SLC39A11: variants seen among roughly 807,000 people sequenced by gnomAD.
The protein encoded by SLC39A11 is zinc transporter ZIP11.
Under a neutral mutation model 36.1 loss-of-function variants are expected in SLC39A11, and 33 were observed. That is an observed-to-expected ratio of 0.91 (90% CI 0.69 to 1.22). The LOEUF is 1.22. Among genes scored for constraint, SLC39A11 ranks in the 50% most tolerant of loss-of-function variants. The pLI, the probability that SLC39A11 is intolerant of heterozygous loss-of-function variation, is 0.00. For synonymous variants in SLC39A11, 166 were observed against 170.3 expected (o/e 0.97, Z 0.20); for missense variants, 432 against 430.3 (o/e 1.00, Z -0.03).
chr17:72,969,241 C>T lies in SLC39A11; in HGVS notation c.307-21366G>A, dbSNP rs528226692. Among the ~76,000 whole-genome samples, 7 of 152,222 alleles carry T rather than the reference C, an allele frequency of 4.6e-5. No individual in the cohort carries two copies. In the East Asian group the frequency reaches 9.7e-4, roughly 21 times the overall value. On this transcript the variant is annotated intron_variant, in intron 4 of 9. Transcript: ENST00000255559. Reference sequence around the variant, plus strand: ...TCCAAGGAGACCAAAATGAAGCCAGCTTCATTGGCAGCAGCTAGACACCGA... The same window carrying T: ...TCCAAGGAGACCAAAATGAAGCCAGTTTCATTGGCAGCAGCTAGACACCGA...
intron 4 of SLC39A11, among the ~76,000 whole-genome samples, chr17:72,972,455 T>C (rs2087527278): frequency 6.6e-6 from 1 of 152,056 alleles, no homozygotes; most frequent in Admixed American, 6.6e-5. Context: ...TAAAATCCAA[T>C]AAGTATGGAG....
chr17:72,858,492 G>GT (rs1326366649), intron 5 of SLC39A11, among the ~76,000 whole-genome samples: 2 of 152,292 alleles, frequency 1.3e-5, no homozygotes, highest in African/African-American at 4.8e-5. Context: ...TTTTAAAATA[G>GT]TTTTTTCTAG....
chr17:72,902,951 G>GA (rs5821931), intron 5 of SLC39A11, among the ~76,000 whole-genome samples: 90,313 of 151,646 alleles, frequency 0.6, 27,732 homozygotes, highest in African/African-American at 0.74. Context: ...ATTGTAGTTA[G>GA]AAAAAAAAGT....
chr17:72,930,172 G>C (rs1415032009), intron 5 of SLC39A11, among the ~76,000 whole-genome samples: 2 of 152,168 alleles, frequency 1.3e-5, no homozygotes, highest in Non-Finnish European at 2.9e-5. Flanking sequence ...CCTCATAGCA[G>C]GCCAGCAGAG....
intron 7 of SLC39A11, among the ~76,000 whole-genome samples, chr17:72,690,349 C>T (rs763284711): frequency 2.6e-5 from 4 of 152,192 alleles, no homozygotes; most frequent in Non-Finnish European, 4.4e-5. Flanking sequence ...AGAGGATACA[C>T]GTCGGAGAAT....
chr17:72,713,221 C>T (rs947025257), intron 7 of SLC39A11, among the ~76,000 whole-genome samples: 6 of 152,104 alleles, frequency 3.9e-5, no homozygotes, highest in African/African-American at 9.7e-5. Flanking sequence ...GTAAGAATCT[C>T]GGCTGAAAGA....
chr17:72,711,831 A>G (rs1182720139), intron 7 of SLC39A11, among the ~76,000 whole-genome samples: 1 of 152,200 alleles, frequency 6.6e-6, no homozygotes, highest in African/African-American at 2.4e-5. Flanking sequence ...GAAGTGTGGC[A>G]TGTGCTCACT....
intron 7 of SLC39A11, among the ~76,000 whole-genome samples, chr17:72,691,846 C>A (rs929927036): frequency 6.6e-6 from 1 of 152,128 alleles, no homozygotes; most frequent in Non-Finnish European, 1.5e-5. Flanking sequence ...ACGACACTGT[C>A]CAAGTTTGGT....
chr17:72,664,025 G>C (rs2070610753), intron 7 of SLC39A11: 1 of 157,422 alleles, frequency 6.4e-6, no homozygotes, highest in Non-Finnish European at 1.5e-5. Flanking sequence ...CAAGTGCACA[G>C]CTTCGGGAGG....
chr17:72,833,377 C>G (rs975955411), intron 6 of SLC39A11, among the ~76,000 whole-genome samples: 5 of 152,212 alleles, frequency 3.3e-5, no homozygotes, highest in African/African-American at 4.8e-5. Flanking sequence ...ATCCTTATCA[C>G]AAAGCAGCAA....
intron 6 of SLC39A11, among the ~76,000 whole-genome samples, chr17:72,804,722 G>A (rs1362829259): frequency 6.6e-6 from 1 of 152,094 alleles, no homozygotes. Context: ...GGGCACATTG[G>A]GGTAAACTAA....
At chr17:72,984,641 G>A (rs560231549) in intron 4 of SLC39A11, among the ~76,000 whole-genome samples, 28 of 152,148 alleles carry the variant, frequency 1.8e-4, no homozygotes, top group African/African-American at 5.6e-4. Flanking sequence ...CCGTGTTTCC[G>A]CAAGACCTCC....
intron 5 of SLC39A11, among the ~76,000 whole-genome samples, chr17:72,906,901 A>G (rs1333004920): frequency 6.6e-6 from 1 of 152,192 alleles, no homozygotes; most frequent in African/African-American, 2.4e-5. Context: ...AAATCCTGCC[A>G]GCAGTGCTCC....
chr17:73,065,961 C>A (rs189340442), intron 3 of SLC39A11, among the ~76,000 whole-genome samples: 1 of 152,128 alleles, frequency 6.6e-6, no homozygotes, highest in East Asian at 1.9e-4. Flanking sequence ...CTGAGAATGG[C>A]CACAATGAAG....
At position 72,924,162 on chromosome 17, in the gene SLC39A11, A is replaced by AATTT. The variant is rs560384382; in HGVS notation, c.430+23589_430+23590insAAAT. ...CCCCGTCTCAAAAAAAAAAAAAAAA[A>AATTT]TTTTTTTTTTTTTTTTAAGGAAAGA... On this transcript the variant is annotated intron_variant, in intron 5 of 9. Coordinates refer to ENST00000255559, the MANE Select transcript of SLC39A11 (RefSeq NM_139177.4). Among the ~76,000 whole-genome samples the AATTT allele has an allele frequency of 2.6e-3, 318 of 120,528 alleles. 3 individuals are homozygous for AATTT. The highest frequency in any genetic ancestry group is 7.1e-3 in the African/African-American group (187 of 26,210). 79.1% of individuals were successfully genotyped at this position (120,528 alleles called of 152,430 possible).
intron 4 of SLC39A11, among the ~76,000 whole-genome samples, chr17:72,976,666 T>A (rs1037975456): frequency 2.0e-5 from 3 of 152,078 alleles, no homozygotes; most frequent in African/African-American, 7.2e-5. Flanking sequence ...CAGGCCAACA[T>A]GGTGAAACCC....
At chr17:72,850,703 G>A (rs1449674825) in intron 5 of SLC39A11, among the ~76,000 whole-genome samples, 5 of 152,104 alleles carry the variant, frequency 3.3e-5, no homozygotes, top group African/African-American at 4.8e-5. Context: ...TTTCTGATTC[G>A]TAAAACTAGA....
At chr17:72,974,637 T>C (rs752758474) in intron 4 of SLC39A11, among the ~76,000 whole-genome samples, 1 of 152,182 alleles carries the variant, frequency 6.6e-6, no homozygotes, top group Non-Finnish European at 1.5e-5. Context: ...GGCCAATGTA[T>C]TATTGTAGAA....
At chr17:72,720,906 A>G (rs1399966088) in intron 7 of SLC39A11, among the ~76,000 whole-genome samples, 1 of 152,092 alleles carries the variant, frequency 6.6e-6, no homozygotes, top group Non-Finnish European at 1.5e-5. Context: ...ACAATGAGGT[A>G]TGAGGGGGTC....
Sources: allele counts gnomAD v4.1 joint callset (sites outside exome capture counted in the v4.1 genomes callset), GRCh38; gene constraint gnomAD v4.1.1; transcripts MANE v1.5; gene names NCBI Gene and HGNC (gene_info 2026-07-23, HGNC 2026-07-21).